Variants in RPH3AL observed in about 807,000 individuals in gnomAD.
RPH3AL encodes rabphilin 3A like (without C2 domains).
In RPH3AL, 38 loss-of-function variants were observed where a neutral mutation model predicts 43.1. That is an observed-to-expected ratio of 0.88 (90% CI 0.68 to 1.15). RPH3AL has a LOEUF of 1.15. RPH3AL is among the 50% of genes most tolerant of loss of function. The probability of loss-of-function intolerance (pLI) is 0.00; values close to 1 mark genes in which losing one functional copy is unlikely to be tolerated. For synonymous variants in RPH3AL, 189 were observed against 176.3 expected (o/e 1.07, Z -0.57); for missense variants, 462 against 423.2 (o/e 1.09, Z -0.81).
intron 6 of RPH3AL, among the ~76,000 whole-genome samples, chr17:270,836 A>G (rs2042445550): frequency 6.6e-6 from 1 of 152,224 alleles, no homozygotes; most frequent in South Asian, 2.1e-4. Flanking sequence ...TGTTTTAGAC[A>G]TGAAGTCCTT....
At chr17:324,686 T>TCTAGCTAGCTAGCTAGCTAGCTAGCTAG (rs1373930772) in intron 3 of RPH3AL, among the ~76,000 whole-genome samples, 1 of 137,472 alleles carries the variant, frequency 7.3e-6, no homozygotes, top group African/African-American at 2.7e-5. Flanking sequence ...TATCTTTCTA[T>TCTAGCTAGCTAGCTAGCTAGCTAGCTAG]CTATCTAGCT....
intron 5 of RPH3AL, among the ~76,000 whole-genome samples, chr17:315,093 A>G (rs1555519443): frequency 1.4e-5 from 2 of 139,976 alleles, no homozygotes; most frequent in Non-Finnish European, 3.1e-5. Context: ...ACTGAATTGT[A>G]GTCCCTGTGA....
chr17:339,967 G>C (rs1227878347), intron 1 of RPH3AL, among the ~76,000 whole-genome samples: 1 of 152,102 alleles, frequency 6.6e-6, no homozygotes, highest in Non-Finnish European at 1.5e-5. Context: ...TCAGTCACCA[G>C]CCCTCAGTGC....
chr17:307,194 GT>G (rs2043512834), intron 5 of RPH3AL, among the ~76,000 whole-genome samples: 1 of 69,516 alleles, frequency 1.4e-5, no homozygotes, highest in Non-Finnish European at 3.5e-5. Flanking sequence ...CCCGCGGCAG[GT>G]CCTCCCCACG....
intron 2 of RPH3AL, chr17:331,610 C>A (rs368026652): frequency 1.8e-5 from 23 of 1,287,006 alleles, no homozygotes; most frequent in South Asian, 6.2e-5. Flanking sequence ...AAACTGCCCA[C>A]GGAGCCAGTT....
chr17:237,917 C>T (rs903327893), intron 7 of RPH3AL, among the ~76,000 whole-genome samples: 19 of 151,998 alleles, frequency 1.3e-4, no homozygotes, highest in African/African-American at 4.6e-4. Flanking sequence ...GGAGGCTGAG[C>T]CAGACAGATG....
At chr17:263,176 T>TG (rs2042240341) in intron 6 of RPH3AL, among the ~76,000 whole-genome samples, 1 of 152,036 alleles carries the variant, frequency 6.6e-6, no homozygotes, top group Admixed American at 6.6e-5. Context: ...GAGGTGGGCA[T>TG]GGGGGAGGAA....
chr17:315,450 CA>C (rs1486246965), intron 5 of RPH3AL, among the ~76,000 whole-genome samples: 1 of 151,804 alleles, frequency 6.6e-6, no homozygotes, highest in Admixed American at 6.6e-5. Context: ...GCCTCACCTC[CA>C]TTGACCTGTA....
In RPH3AL at chr17:225,517, C is replaced by G. The variant is rs138015435; in HGVS notation, c.614-5781G>C. ...GGAGGTGGGAAGGAGCCAGGGATTCCTGCTGGGCTCCTGGAGCAAGTTGTT... is the reference window on the plus strand; with the variant it reads ...GGAGGTGGGAAGGAGCCAGGGATTCGTGCTGGGCTCCTGGAGCAAGTTGTT... On this transcript the variant is annotated intron_variant, in intron 7 of 9. Coordinates refer to ENST00000331302, the MANE Select transcript of RPH3AL (RefSeq NM_006987.4). The surrounding 1 kb of genome is among the most constrained non-coding windows in gnomAD (Gnocchi z 4.4). 7.9e-5 allele frequency among the ~76,000 whole-genome samples: 12 copies of G among 152,272 alleles called. No individual in the cohort carries two copies. In the East Asian group the frequency reaches 2.1e-3, roughly 27 times the overall value.
rs1555564472 is a variant in RPH3AL, at chr17:299,982, CGCTCT to C, written c.352-18133_352-18129del. On this transcript the variant is annotated intron_variant, in intron 5 of 9. Transcript: ENST00000331302. ...GCCTAGGCCCGCAGAATCTCTCACCCGCTCTAGCAGGGGCTGGCCCAGCCTAGGCC... is the reference window on the plus strand; with the variant it reads ...GCCTAGGCCCGCAGAATCTCTCACCCAGCAGGGGCTGGCCCAGCCTAGGCC... 7.9e-4 allele frequency among the ~76,000 whole-genome samples: 119 copies of C among 151,330 alleles called. 2 individuals are homozygous for C. Among genetic ancestry groups the C allele is most frequent in the African/African-American group, 2.7e-3 (110 of 41,064 alleles).
At chr17:296,238 G>A (rs1285983521) in intron 5 of RPH3AL, among the ~76,000 whole-genome samples, 16 of 86,022 alleles carry the variant, frequency 1.9e-4, no homozygotes, top group Non-Finnish European at 3.5e-4. Flanking sequence ...GATGGACAGA[G>A]GGAATGCACA....
intron 5 of RPH3AL, among the ~76,000 whole-genome samples, chr17:317,515 C>G (rs1198522075): frequency 6.6e-6 from 1 of 150,618 alleles, no homozygotes; most frequent in African/African-American, 2.5e-5. Context: ...CCCTGTGCCC[C>G]CACCTCCATT....
Position 223,573 on chromosome 17 carries a change from C to T in RPH3AL, c.614-3837G>A, listed in dbSNP as rs567555646. 6.6e-5 allele frequency among the ~76,000 whole-genome samples: 10 copies of T among 152,296 alleles called. No homozygotes were observed. In the Middle Eastern group the frequency reaches 0.01, roughly 155 times the overall value. Reference sequence around the variant, plus strand: ...ACAAAATCCGTCTATACTGCGGTGGCTAGCACGTTTCATCTGATCCAGTGA... The same window carrying T: ...ACAAAATCCGTCTATACTGCGGTGGTTAGCACGTTTCATCTGATCCAGTGA... On this transcript the variant is annotated intron_variant, in intron 7 of 9. Coordinates refer to ENST00000331302, the MANE Select transcript of RPH3AL (RefSeq NM_006987.4).
chr17:327,420 G>T, intron 3 of RPH3AL, 47 bp downstream of exon 3: 1 of 1,505,630 alleles, frequency 6.6e-7, no homozygotes, highest in Non-Finnish European at 9.2e-7. Flanking sequence ...GAGAGGAGCA[G>T]GGAGGCAGAA....
intron 6 of RPH3AL, among the ~76,000 whole-genome samples, chr17:271,578 T>C (rs1050942425): frequency 7.2e-5 from 11 of 152,138 alleles, no homozygotes; most frequent in South Asian, 2.1e-4. Flanking sequence ...TACTCTGTTA[T>C]TGATGTATAG....
At chr17:235,779 TCCGCA>T (rs2041369749) in intron 7 of RPH3AL, among the ~76,000 whole-genome samples, 2 of 140,954 alleles carry the variant, frequency 1.4e-5, no homozygotes, top group African/African-American at 2.6e-5. Context: ...CGGCGGAGGC[TCCGCA>T]CTAACAAGAT....
chr17:242,829 T>C (rs1555537676), intron 7 of RPH3AL, among the ~76,000 whole-genome samples: 1 of 132,872 alleles, frequency 7.5e-6, no homozygotes, highest in Non-Finnish European at 1.6e-5. Context: ...CCTCTATTGA[T>C]TACCCTTCCT....
At chr17:277,356 A>G (rs2042678189) in intron 6 of RPH3AL, among the ~76,000 whole-genome samples, 1 of 152,342 alleles carries the variant, frequency 6.6e-6, no homozygotes. Context: ...GTGTTTATTT[A>G]TTTATGCTTG....
rs888101496 is a variant in RPH3AL, at chr17:283,392, C to A, written c.352-1538G>T. On this transcript the variant is annotated intron_variant, in intron 5 of 9. Coordinates refer to ENST00000331302, the MANE Select transcript of RPH3AL (RefSeq NM_006987.4). This position sits in a 1 kb window ranked among gnomAD's most constrained non-coding sequence, Gnocchi z 4.2. ...GGACGGAAGCTATGATACATTCCTG[C>A]GGGGGACGGATTTGCTACCATCCAA... Among the ~76,000 whole-genome samples, 4 of 152,078 alleles carry A rather than the reference C, an allele frequency of 2.6e-5. No individual in the cohort carries two copies. The highest frequency in any genetic ancestry group is 5.9e-5 in the Non-Finnish European group (4 of 68,006).
Sources: allele counts gnomAD v4.1 joint callset (sites outside exome capture counted in the v4.1 genomes callset), GRCh38; gene constraint gnomAD v4.1.1; non-coding constraint Gnocchi (gnomAD v3.1); transcripts MANE v1.5; gene names NCBI Gene and HGNC (gene_info 2026-07-23, HGNC 2026-07-21).